The following NRG2 variants were observed in gnomAD, a reference collection of about 807,000 sequenced individuals.
The protein encoded by NRG2 is pro-neuregulin-2, membrane-bound isoform.
In NRG2, 27 loss-of-function variants were observed where a neutral mutation model predicts 73.9. The ratio of observed to expected loss-of-function variants is 0.37; its 90% CI spans 0.27 to 0.50. The LOEUF (loss-of-function observed/expected upper bound fraction) is 0.50. Ranked by LOEUF, NRG2 falls within the 20% of genes least tolerant of loss-of-function variation. NRG2 has a pLI of 0.96. For synonymous variants in NRG2, 532 were observed against 541.0 expected, an observed-to-expected ratio of 0.98 and a Z score of 0.23; for missense variants, 1,126 against 1,210.1, an observed-to-expected ratio of 0.93 and a Z score of 1.03.
rs1347917395 is a variant in NRG2, at chr5:139,913,012, C to G, written c.701-25501G>C. 3.3e-5 allele frequency among the ~76,000 whole-genome samples: 5 copies of G among 152,312 alleles called. No individual in the cohort carries two copies. The East Asian group carries it at 9.6e-4, about 29-fold the overall frequency. On this transcript the variant is annotated intron_variant, in intron 1 of 9. Coordinates refer to ENST00000361474, the MANE Select transcript of NRG2 (RefSeq NM_004883.3). ...GGCCCTCTGCCAGCCTCCCTCCCAC[C>G]TTTGAAGGTCAACTACTGGTTCTCT...
chr5:139,958,823 T>C (rs1364607163), intron 1 of NRG2, among the ~76,000 whole-genome samples: 1 of 146,810 alleles, frequency 6.8e-6, no homozygotes, highest in Non-Finnish European at 1.5e-5. Flanking sequence ...CTTTACCTTC[T>C]AGACATCCAA....
Position 139,945,346 on chromosome 5 carries a change from T to C in NRG2, c.701-57835A>G, listed in dbSNP as rs189141667. Reference sequence around the variant, plus strand: ...GACCAATGTCCTGAAGCATTTCTCCTATATTTTCTTCTAGTAGTTTTATAA... The same window carrying C: ...GACCAATGTCCTGAAGCATTTCTCCCATATTTTCTTCTAGTAGTTTTATAA... On this transcript the variant is annotated intron_variant, in intron 1 of 9. Transcript: ENST00000361474. Among the ~76,000 whole-genome samples, 133 of 152,264 alleles carry C rather than the reference T, an allele frequency of 8.7e-4. 1 individual carries two copies. The highest frequency in any genetic ancestry group is 2.8e-3 in the African/African-American group (117 of 41,578).
chr5:139,874,032 G>A (rs1251807128), intron 3 of NRG2, among the ~76,000 whole-genome samples: 1 of 151,706 alleles, frequency 6.6e-6, no homozygotes, highest in Admixed American at 6.6e-5. Flanking sequence ...GAGTGACCAC[G>A]GGTGTTTCCA....
intron 1 of NRG2, among the ~76,000 whole-genome samples, chr5:139,964,440 C>A (rs1755332700): frequency 6.6e-6 from 1 of 151,936 alleles, no homozygotes. Context: ...ACATCCCAGG[C>A]CAGTCTTATT....
At chr5:139,957,140 GCTCCTGC>G (rs1370047093) in intron 1 of NRG2, among the ~76,000 whole-genome samples, 43 of 152,268 alleles carry the variant, frequency 2.8e-4, no homozygotes, top group African/African-American at 1.0e-3. Flanking sequence ...TTCTGCCCAT[GCTCCTGC>G]CTGCACACCT....
At chr5:139,936,579 A>T (rs750254609) in intron 1 of NRG2, among the ~76,000 whole-genome samples, 4 of 152,162 alleles carry the variant, frequency 2.6e-5, no homozygotes, top group African/African-American at 4.8e-5. Flanking sequence ...AATATATTTA[A>T]GAAAGAAGGA....
At chr5:139,916,438 T>TA (rs1290508651) in intron 1 of NRG2, among the ~76,000 whole-genome samples, 3 of 152,232 alleles carry the variant, frequency 2.0e-5, no homozygotes, top group Non-Finnish European at 4.4e-5. Flanking sequence ...ATTTAAAGTA[T>TA]ATAATTCACT....
At chr5:140,027,659 T>C (rs1760806773) in intron 1 of NRG2, among the ~76,000 whole-genome samples, 1 of 152,242 alleles carries the variant, frequency 6.6e-6, no homozygotes. Context: ...GCCTAATTTA[T>C]AAATTAAACT....
intron 1 of NRG2, among the ~76,000 whole-genome samples, chr5:139,918,387 G>T (rs1751422407): frequency 6.6e-6 from 1 of 152,086 alleles, no homozygotes; most frequent in Non-Finnish European, 1.5e-5. Context: ...GTAGCTTTTA[G>T]CTTTTTTAGC....
intron 1 of NRG2, among the ~76,000 whole-genome samples, chr5:139,893,316 A>G (rs893941639): frequency 6.6e-6 from 1 of 152,194 alleles, no homozygotes; most frequent in Non-Finnish European, 1.5e-5. Context: ...GAATTTCTCC[A>G]TAAATTCAGC....
chr5:140,028,531 G>A (rs1760881835), intron 1 of NRG2, among the ~76,000 whole-genome samples: 1 of 152,108 alleles, frequency 6.6e-6, no homozygotes, highest in South Asian at 2.1e-4. Context: ...GAACTGCATT[G>A]AGGAGTCTCA....
Position 139,904,064 on chromosome 5 carries a change from T to A in NRG2, c.701-16553A>T, listed in dbSNP as rs1354020679. Among the ~76,000 whole-genome samples, 1 of 152,152 alleles carries A rather than the reference T, an allele frequency of 6.6e-6. No homozygotes were observed. Among genetic ancestry groups the A allele is most frequent in the Admixed American group, 6.5e-5 (1 of 15,288 alleles). ...GCGTGCAGCGCCTCTTGCCCGCCCCTGCGTGGGGACGCGGCCGCCCGGGGA... is the reference window on the plus strand; with the variant it reads ...GCGTGCAGCGCCTCTTGCCCGCCCCAGCGTGGGGACGCGGCCGCCCGGGGA... On this transcript the variant is annotated intron_variant, in intron 1 of 9. Coordinates refer to ENST00000361474, the MANE Select transcript of NRG2 (RefSeq NM_004883.3). This position sits in a 1 kb window ranked among gnomAD's most constrained non-coding sequence, Gnocchi z 6.0.
intron 5 of NRG2, chr5:139,859,758 C>G (rs1762029435): frequency 4.4e-6 from 4 of 907,706 alleles, no homozygotes; most frequent in Non-Finnish European, 7.0e-6. Context: ...TCGATGGGGC[C>G]AGGAGAGATT....
chr5:139,852,506 C>T lies in NRG2; in HGVS notation c.1470G>A (p.Glu490=). ...AGGAGTGGCTCCCAGAGAAGGTGGT[C>T]TCAGTTTCTCTCCTGATGACATGGT... ...ATDHVIRRET[E]TTFSGSHSCS... Residue 490 remains glutamate, a synonymous_variant, in exon 8 of 10, where the codon GAG becomes GAA. Coordinates refer to ENST00000361474, the MANE Select transcript of NRG2 (RefSeq NM_004883.3). This position sits in a 1 kb window ranked among gnomAD's most constrained non-coding sequence, Gnocchi z 4.4. The T allele has an allele frequency of 6.2e-7, 1 of 1,614,048 alleles. No homozygotes were observed. Among genetic ancestry groups the T allele is most frequent in the South Asian group, 1.1e-5 (1 of 91,058 alleles).
Position 139,853,044 on chromosome 5 carries a change from A to C in NRG2, c.1293-17T>G, listed in dbSNP as rs1470354389. Reference sequence around the variant, plus strand: ...CGCTGTTTTCTGCACAAGGGAAGGGAAGGTGAGGCTGGCATTCCCCCCACT... The same window carrying C: ...CGCTGTTTTCTGCACAAGGGAAGGGCAGGTGAGGCTGGCATTCCCCCCACT... On this transcript the variant is annotated splice_polypyrimidine_tract_variant and intron_variant, in intron 6 of 9. Transcript: ENST00000361474. The surrounding 1 kb of genome is among the most constrained non-coding windows in gnomAD (Gnocchi z 4.1). The C allele has an allele frequency of 6.2e-7, 1 of 1,612,708 alleles. No homozygotes were observed. Among genetic ancestry groups the C allele is most frequent in the South Asian group, 1.1e-5 (1 of 90,922 alleles).
chr5:139,985,624 C>T (rs1757115461), intron 1 of NRG2, among the ~76,000 whole-genome samples: 2 of 152,192 alleles, frequency 1.3e-5, no homozygotes, highest in South Asian at 4.1e-4. Flanking sequence ...TGCAGGCTTA[C>T]ATCCACGTAT....
chr5:139,926,853 G>A (rs73791247), intron 1 of NRG2, among the ~76,000 whole-genome samples: 6 of 152,100 alleles, frequency 3.9e-5, no homozygotes, highest in Non-Finnish European at 7.3e-5. Context: ...ATCTCCATTC[G>A]CCCTCCTTTG....
At chr5:140,018,838 G>A (rs1265018130) in intron 1 of NRG2, among the ~76,000 whole-genome samples, 1 of 152,094 alleles carries the variant, frequency 6.6e-6, no homozygotes, top group Non-Finnish European at 1.5e-5. Context: ...TCCTTTCTCG[G>A]ACCACAGAGG....
chr5:139,852,831 A>G lies in NRG2; in HGVS notation c.1416+73T>C. On this transcript the variant is annotated intron_variant, in intron 7 of 9. Coordinates refer to ENST00000361474, the MANE Select transcript of NRG2 (RefSeq NM_004883.3). This position sits in a 1 kb window ranked among gnomAD's most constrained non-coding sequence, Gnocchi z 4.4. Reference sequence around the variant, plus strand: ...GATAGGCTGGCTGCTGCCCTGGCCCATCCTTGCAGGGGGCATGAGAAGGCT... The same window carrying G: ...GATAGGCTGGCTGCTGCCCTGGCCCGTCCTTGCAGGGGGCATGAGAAGGCT... 1 of 1,596,754 alleles carries G rather than the reference A, an allele frequency of 6.3e-7. No homozygotes were observed.
Sources: gnomAD v4.1 joint callset for allele counts (sites outside exome capture counted in the v4.1 genomes callset) on GRCh38, gnomAD v4.1.1 for gene constraint, Gnocchi (gnomAD v3.1) non-coding constraint, MANE v1.5 for transcripts, NCBI Gene and HGNC (gene_info 2026-07-23, HGNC 2026-07-21) for gene names.